The following RBFOX1 variants were observed in gnomAD, a reference collection of about 807,000 sequenced individuals.
RBFOX1 encodes RNA binding protein fox-1 homolog 1.
A neutral mutation model predicts 57.7 loss-of-function variants in RBFOX1; 8 were observed. The ratio of observed to expected loss-of-function variants is 0.14; its 90% CI spans 0.08 to 0.25. RBFOX1 has a LOEUF of 0.25. RBFOX1 is among the 10% of genes least tolerant of loss of function. The pLI is 1.00. For missense variants in RBFOX1, 611 were observed against 548.5 expected, an observed-to-expected ratio of 1.11 and a Z score of -1.14; for synonymous variants, 326 against 222.4, an observed-to-expected ratio of 1.47 and a Z score of -4.15.
intron 3 of RBFOX1, among the ~76,000 whole-genome samples, chr16:6,869,226 C>T (rs1282485975): frequency 6.6e-6 from 1 of 152,214 alleles, no homozygotes; most frequent in East Asian, 1.9e-4. Flanking sequence ...GCAACACTTG[C>T]TGACCACCTA....
chr16:7,435,125 G>A (rs2098711837), intron 4 of RBFOX1, among the ~76,000 whole-genome samples: 1 of 151,942 alleles, frequency 6.6e-6, no homozygotes, highest in Non-Finnish European at 1.5e-5. Context: ...GATTTCCTTA[G>A]TTTTTACCTC....
At chr16:6,654,910 C>G (rs978641595) in intron 3 of RBFOX1, among the ~76,000 whole-genome samples, 1 of 151,980 alleles carries the variant, frequency 6.6e-6, no homozygotes. Context: ...CAGTCATACC[C>G]TTCTTTTCAG....
chr16:6,495,751 T>A (rs754341780), intron 2 of RBFOX1, among the ~76,000 whole-genome samples: 2 of 152,184 alleles, frequency 1.3e-5, no homozygotes, highest in Admixed American at 6.5e-5. Flanking sequence ...TCAATAGCAG[T>A]ATGTTCTGCT....
chr16:6,269,435 C>T (rs577096028), intron 1 of RBFOX1, among the ~76,000 whole-genome samples: 1 of 152,146 alleles, frequency 6.6e-6, no homozygotes, highest in Admixed American at 6.5e-5. Context: ...CACCAAGTCA[C>T]ATGATAGTCA....
At chr16:7,069,241 G>C (rs1316611709) in intron 4 of RBFOX1, among the ~76,000 whole-genome samples, 2 of 152,062 alleles carry the variant, frequency 1.3e-5, no homozygotes, top group Admixed American at 1.3e-4. Flanking sequence ...GGATGTGCAG[G>C]TTTGTTACAT....
Position 7,363,287 on chromosome 16 carries a change from G to T in RBFOX1, c.28-154860G>T, listed in dbSNP as rs181059013. Among the ~76,000 whole-genome samples the T allele has an allele frequency of 6.6e-5, 10 of 152,254 alleles. No individual in the cohort carries two copies. The East Asian group carries it at 1.5e-3, about 24-fold the overall frequency. ...AACCTCCAGATAAACCTGTCAAGCT[G>T]TTGAGAAATCCTGTCTCCCATCTAA... On this transcript the variant is annotated intron_variant, in intron 4 of 15. Coordinates refer to ENST00000550418, the MANE Select transcript of RBFOX1 (RefSeq NM_018723.4).
rs868385171 is a variant in RBFOX1 at position 6,503,900 on chromosome 16, T to G, written c.-63-150703T>G. Among the ~76,000 whole-genome samples, 27 of 152,318 alleles carry G rather than the reference T, an allele frequency of 1.8e-4. 2 individuals are homozygous for G. Among genetic ancestry groups the G allele is most frequent in the Middle Eastern group, 3.4e-3 (1 of 294 alleles). On this transcript the variant is annotated intron_variant, in intron 2 of 15. Transcript: ENST00000550418. Reference sequence around the variant, plus strand: ...GCAAGCCATGCACTGAAGGGAATAATGCTCTACGAGGAGGATGTTCCTTAA... The same window carrying G: ...GCAAGCCATGCACTGAAGGGAATAAGGCTCTACGAGGAGGATGTTCCTTAA...
At chr16:7,020,929 C>T (rs1369390818) in intron 3 of RBFOX1, among the ~76,000 whole-genome samples, 3 of 152,152 alleles carry the variant, frequency 2.0e-5, no homozygotes, top group African/African-American at 4.8e-5. Context: ...GAGTTCTAGA[C>T]CAGCATGGCC....
chr16:7,463,645 C>T (rs1446387415), intron 4 of RBFOX1, among the ~76,000 whole-genome samples: 1 of 152,158 alleles, frequency 6.6e-6, no homozygotes, highest in Non-Finnish European at 1.5e-5. Flanking sequence ...AGGACTTAAA[C>T]ATTCAAACCA....
At chr16:7,284,715 C>G (rs2095614651) in intron 4 of RBFOX1, among the ~76,000 whole-genome samples, 1 of 152,142 alleles carries the variant, frequency 6.6e-6, no homozygotes, top group African/African-American at 2.4e-5. Context: ...CTGATACTTC[C>G]TAGCTCTGCG....
intron 3 of RBFOX1, among the ~76,000 whole-genome samples, chr16:5,745,735 G>A (rs530630049): frequency 6.6e-6 from 1 of 152,308 alleles, no homozygotes; most frequent in Admixed American, 6.5e-5. Context: ...CTGCATAAAT[G>A]TCTTCTTTTG....
chr16:7,119,102 A>G (rs771928478), intron 4 of RBFOX1, among the ~76,000 whole-genome samples: 20 of 152,172 alleles, frequency 1.3e-4, no homozygotes, highest in Non-Finnish European at 2.5e-4. Flanking sequence ...AACATGCGGA[A>G]TCTAGGCAAG....
intron 2 of RBFOX1, among the ~76,000 whole-genome samples, chr16:5,552,849 A>T (rs1006373917): frequency 6.6e-6 from 1 of 151,952 alleles, no homozygotes; most frequent in African/African-American, 2.4e-5. Context: ...AAACGAGGGA[A>T]AAGGGAGAAG....
At position 5,340,399 on chromosome 16, in the gene RBFOX1, T is replaced by C. The variant is rs188313427; in HGVS notation, c.219+100294T>C. Among the ~76,000 whole-genome samples the C allele has an allele frequency of 2.4e-3, 364 of 152,350 alleles. 4 individuals carry two copies. The highest frequency in any genetic ancestry group is 8.5e-3 in the African/African-American group (353 of 41,592). ...AATTGTATCATTAGTTGAGGTCTTC[T>C]GGAAAACTGTTGTGAGGATTCTGAG... On this transcript the variant is annotated intron_variant, in intron 1 of 2. Transcript: ENST00000585867.
chr16:6,576,604 C>T (rs2097441162), intron 2 of RBFOX1, among the ~76,000 whole-genome samples: 2 of 152,000 alleles, frequency 1.3e-5, no homozygotes, highest in East Asian at 3.9e-4. Flanking sequence ...CTTTGAACTC[C>T]AACTGGGAGG....
At chr16:7,012,994 A>G (rs2093724083) in intron 3 of RBFOX1, among the ~76,000 whole-genome samples, 1 of 152,058 alleles carries the variant, frequency 6.6e-6, no homozygotes, top group African/African-American at 2.4e-5. Flanking sequence ...GCGTTTCCTC[A>G]GTGTGTACAG....
chr16:7,289,508 C>T (rs2095717807), intron 4 of RBFOX1, among the ~76,000 whole-genome samples: 1 of 152,204 alleles, frequency 6.6e-6, no homozygotes, highest in African/African-American at 2.4e-5. Context: ...ATTACAGTCA[C>T]CTTCATCGTC....
At chr16:6,842,246 G>T (rs1189553799) in intron 3 of RBFOX1, among the ~76,000 whole-genome samples, 1 of 151,986 alleles carries the variant, frequency 6.6e-6, no homozygotes, top group Non-Finnish European at 1.5e-5. Context: ...CCTCTGACAT[G>T]GTATCATTCT....
At chr16:7,411,570 G>T (rs1009933485) in intron 4 of RBFOX1, among the ~76,000 whole-genome samples, 3 of 152,142 alleles carry the variant, frequency 2.0e-5, no homozygotes, top group Non-Finnish European at 2.9e-5. Flanking sequence ...CCAGTTGAGG[G>T]ACATCGTGCA....
Sources: gnomAD v4.1 joint callset for allele counts (sites outside exome capture counted in the v4.1 genomes callset) on GRCh38, gnomAD v4.1.1 for gene constraint, MANE v1.5 for transcripts, NCBI Gene and HGNC (gene_info 2026-07-23, HGNC 2026-07-21) for gene names.